The following NR3C2 variants were observed in gnomAD, a reference collection of about 807,000 sequenced individuals.
NR3C2 encodes mineralocorticoid receptor.
In NR3C2, 15 loss-of-function variants were observed where a neutral mutation model predicts 86.4. That is an observed-to-expected ratio of 0.17 (90% CI 0.12 to 0.27). The LOEUF (loss-of-function observed/expected upper bound fraction) is 0.27. NR3C2 is among the 10% of genes least tolerant of loss of function. The pLI is 1.00. For synonymous variants in NR3C2, 458 were observed against 450.5 expected (o/e 1.02, Z -0.21); for missense variants, 960 against 1,195.6 (o/e 0.80, Z 2.91).
At chr4:148,149,453 C>G (rs566135892) in intron 6 of NR3C2, among the ~76,000 whole-genome samples, 1 of 152,188 alleles carries the variant, frequency 6.6e-6, no homozygotes, top group East Asian at 1.9e-4. Flanking sequence ...AAAAAACATT[C>G]TTACAATTCT....
chr4:148,342,750 TTA>T (rs1475458037), intron 2 of NR3C2, among the ~76,000 whole-genome samples: 2 of 152,150 alleles, frequency 1.3e-5, no homozygotes. Context: ...TGAAAATTTT[TTA>T]TCTTATTTCT....
At chr4:148,444,049 C>T (rs1214092144), upstream of NR3C2, 2 of 985,400 alleles carry the variant, frequency 2.0e-6, no homozygotes, top group Non-Finnish European at 2.4e-6. Context: ...AACTTTCCCG[C>T]GGGGCCCACC....
chr4:148,228,234 G>C (rs188286897), intron 3 of NR3C2, among the ~76,000 whole-genome samples: 4 of 151,680 alleles, frequency 2.6e-5, no homozygotes, highest in Non-Finnish European at 5.9e-5. Flanking sequence ...AGATATACGT[G>C]TATTATATAT....
At chr4:148,363,504 C>T (rs867585165) in intron 2 of NR3C2, among the ~76,000 whole-genome samples, 1,047 of 69,856 alleles carry the variant, frequency 0.015, 21 homozygotes, top group Non-Finnish European at 0.022. Context: ...TCTCATAGAT[C>T]TCTTTTTTTT....
At chr4:148,374,268 C>T (rs563407236) in intron 2 of NR3C2, among the ~76,000 whole-genome samples, 1 of 152,202 alleles carries the variant, frequency 6.6e-6, no homozygotes, top group African/African-American at 2.4e-5. Flanking sequence ...TAAATATTCA[C>T]TACATTAGAA....
At chr4:148,381,605 G>T (rs61763847) in intron 2 of NR3C2, among the ~76,000 whole-genome samples, 15 of 152,222 alleles carry the variant, frequency 9.9e-5, no homozygotes, top group Middle Eastern at 6.8e-3. Flanking sequence ...TTCATGTGTA[G>T]AGTAATCTTT....
In NR3C2 at chr4:148,114,240, C is replaced by T. The variant is rs1732173942; in HGVS notation, c.2663G>A (p.Ser888Asn). The change falls in exon 8 of 9, where the codon AGC becomes AAC. Residue 888 changes from serine (S) to asparagine (N), a missense_variant. Coordinates refer to ENST00000358102, the MANE Select transcript of NR3C2 (RefSeq NM_000901.5). ...LSTIPKDGLKSQAAFEEMRTN... is the reference protein window; with the variant it reads ...LSTIPKDGLKNQAAFEEMRTN... ...CCTCATTTCTTCAAATGCAGCCTGG[C>T]TTTTGAGGCCATCCTTTGGAACTGT... The T allele has an allele frequency of 6.2e-7, 1 of 1,613,952 alleles. No individual in the cohort carries two copies. Among genetic ancestry groups the T allele is most frequent in the East Asian group, 2.2e-5 (1 of 44,876 alleles).
In NR3C2 at chr4:148,154,458, G is replaced by T; in HGVS notation, c.2365+93C>A. 2.6e-6 allele frequency: 3 copies of T among 1,146,930 alleles called. No individual in the cohort carries two copies. The South Asian group carries it at 3.7e-5, about 14-fold the overall frequency. The allele number at this position is 1,146,930 out of a possible 1,614,324, so 71.0% of individuals were successfully genotyped here. On this transcript the variant is annotated intron_variant, in intron 5 of 8. Coordinates refer to ENST00000358102, the MANE Select transcript of NR3C2 (RefSeq NM_000901.5). Reference sequence around the variant, plus strand: ...ATCTGATATCAGGATTTCATAGAACGCAAACTCCTCCTGCATGGTTGGAGA... The same window carrying T: ...ATCTGATATCAGGATTTCATAGAACTCAAACTCCTCCTGCATGGTTGGAGA...
chr4:148,135,077 T>C lies in NR3C2; in HGVS notation c.2511-14789A>G, dbSNP rs1460762949. 7.2e-5 allele frequency among the ~76,000 whole-genome samples: 11 copies of C among 152,130 alleles called. 1 individual carries two copies. The South Asian group carries it at 2.3e-3, about 32-fold the overall frequency. ...TACAAAGAACTGGAGGGTGGCAGAA[T>C]GTGAGAGGGAAGGAAAGGGGGCAGG... On this transcript the variant is annotated intron_variant, in intron 6 of 8. Coordinates refer to ENST00000358102, the MANE Select transcript of NR3C2 (RefSeq NM_000901.5).
At chr4:148,380,598 C>T (rs1746924939) in intron 2 of NR3C2, among the ~76,000 whole-genome samples, 1 of 152,202 alleles carries the variant, frequency 6.6e-6, no homozygotes, top group South Asian at 2.1e-4. Flanking sequence ...CACATCCTTA[C>T]CAATACTTGT....
At chr4:148,404,508 C>T (rs1175496829) in intron 2 of NR3C2, among the ~76,000 whole-genome samples, 2 of 151,898 alleles carry the variant, frequency 1.3e-5, no homozygotes, top group African/African-American at 4.8e-5. Flanking sequence ...TATCTGTGCA[C>T]AAAAATGCAA....
chr4:148,157,049 A>G (rs888790714), intron 4 of NR3C2, among the ~76,000 whole-genome samples: 5 of 151,408 alleles, frequency 3.3e-5, no homozygotes, highest in African/African-American at 9.7e-5. Context: ...GTAAACTATC[A>G]CAAGGACAAA....
intron 3 of NR3C2, among the ~76,000 whole-genome samples, chr4:148,252,141 G>A (rs761492504): frequency 2.8e-4 from 42 of 152,082 alleles, no homozygotes; most frequent in Non-Finnish European, 7.4e-5. Context: ...CCACACATTT[G>A]ATAGAATTAT....
At chr4:148,262,729 C>T (rs569302684) in intron 2 of NR3C2, among the ~76,000 whole-genome samples, 2 of 152,170 alleles carry the variant, frequency 1.3e-5, no homozygotes, top group African/African-American at 4.8e-5. Context: ...TTATTATATA[C>T]AGGGGAAATT....
chr4:148,435,438 G>A lies in NR3C2; in HGVS notation c.1423C>T (p.Pro475Ser), dbSNP rs1749999405. 1.9e-6 allele frequency: 3 copies of A among 1,613,998 alleles called. No homozygotes were observed. In the South Asian group the frequency reaches 3.3e-5, roughly 18 times the overall value. The change falls in exon 2 of 9, where the codon CCA becomes TCA. Residue 475 changes from proline to serine, a missense_variant. By Grantham distance (74) the Pro-to-Ser change is moderately conservative (BLOSUM62 -1). Around this residue, in one of 4 missense-constraint regions of NR3C2, gnomAD observed 680 missense variants for 719.0 expected, o/e 0.95. Transcript: ENST00000358102. ...TTACCATCAAAGCCGGGCACAGGTGGTCCTAAAATTCCTGATAGGGAATAA... is the reference window on the plus strand; with the variant it reads ...TTACCATCAAAGCCGGGCACAGGTGATCCTAAAATTCCTGATAGGGAATAA... The part of the protein sequence containing the change: ...DYYSLSGILG[P>S]PVPGFDGNCE...
Position 148,402,012 on chromosome 4 carries a change from T to C in NR3C2, c.1757+33092A>G, listed in dbSNP as rs74755890. Reference sequence around the variant, plus strand: ...CTAAATGGTATGGGGTAACTGTAAATACTTTAAAGGGCTAAATTAAGCAGA... The same window carrying C: ...CTAAATGGTATGGGGTAACTGTAAACACTTTAAAGGGCTAAATTAAGCAGA... On this transcript the variant is annotated intron_variant, in intron 2 of 8. Coordinates refer to ENST00000358102, the MANE Select transcript of NR3C2 (RefSeq NM_000901.5). Among the ~76,000 whole-genome samples, 374 of 152,228 alleles carry C rather than the reference T, an allele frequency of 2.5e-3. 2 individuals are homozygous for C. Among genetic ancestry groups the C allele is most frequent in the African/African-American group, 8.5e-3 (351 of 41,538 alleles).
At chr4:148,191,462 G>A (rs1232656035) in intron 4 of NR3C2, among the ~76,000 whole-genome samples, 3 of 152,276 alleles carry the variant, frequency 2.0e-5, no homozygotes, top group East Asian at 1.9e-4. Context: ...AATGTGCCTA[G>A]GCAATGATCT....
At chr4:148,407,806 T>G (rs1382462511) in intron 2 of NR3C2, among the ~76,000 whole-genome samples, 1 of 152,166 alleles carries the variant, frequency 6.6e-6, no homozygotes, top group African/African-American at 2.4e-5. Context: ...ATGGCACATA[T>G]CAATATCCTT....
At chr4:148,426,739 C>T (rs1749552639) in intron 2 of NR3C2, among the ~76,000 whole-genome samples, 1 of 152,122 alleles carries the variant, frequency 6.6e-6, no homozygotes, top group Admixed American at 6.5e-5. Flanking sequence ...CTTTTAACAG[C>T]AAAAACCACA....
Sources: gnomAD v4.1 joint callset for allele counts (sites outside exome capture counted in the v4.1 genomes callset) on GRCh38, gnomAD v4.1.1 for gene constraint, gnomAD v4.1.1 regional missense constraint, MANE v1.5 for transcripts, NCBI Gene and HGNC (gene_info 2026-07-23, HGNC 2026-07-21) for gene names.